TBX15: variants seen among roughly 807,000 people sequenced by gnomAD.
TBX15 encodes the protein T-box transcription factor TBX15.
Under a neutral mutation model 53.9 loss-of-function variants are expected in TBX15, and 18 were observed. That is an observed-to-expected ratio of 0.33 (90% CI 0.23 to 0.49). The LOEUF (loss-of-function observed/expected upper bound fraction) is 0.49. TBX15 is among the 20% of genes least tolerant of loss of function. The pLI is 0.98. For synonymous variants in TBX15, 295 were observed against 278.0 expected (o/e 1.06, Z -0.61); for missense variants, 692 against 749.5 (o/e 0.92, Z 0.90).
At chr1:118,987,391 A>G (rs894037675) in intron 1 of TBX15, among the ~76,000 whole-genome samples, 200 bp downstream of exon 1, 1 of 152,270 alleles carries the variant, frequency 6.6e-6, no homozygotes, top group African/African-American at 2.4e-5. Flanking sequence ...GGCGACGAAA[A>G]TGCAAGGCTC....
intron 7 of TBX15, among the ~76,000 whole-genome samples, chr1:118,890,051 C>A (rs1654084038): frequency 6.6e-6 from 1 of 152,198 alleles, no homozygotes; most frequent in Admixed American, 6.5e-5. Flanking sequence ...TGGAGCTAAG[C>A]ATCTTGGCCT....
chr1:118,927,070 T>C (rs1314978337), intron 2 of TBX15, among the ~76,000 whole-genome samples: 1 of 152,210 alleles, frequency 6.6e-6, no homozygotes, highest in African/African-American at 2.4e-5. Context: ...CAAATTCTAA[T>C]GTCCTCTAAT....
Position 118,957,975 on chromosome 1 carries a change from C to T in TBX15, c.206-26143G>A, listed in dbSNP as rs148683935. Among the ~76,000 whole-genome samples, 46 of 152,086 alleles carry T rather than the reference C, an allele frequency of 3.0e-4. No individual in the cohort carries two copies. In the East Asian group the frequency reaches 5.4e-3, roughly 18 times the overall value. On this transcript the variant is annotated intron_variant, in intron 1 of 7. Transcript: ENST00000369429. ...GACACATGCACACGTATGTTTATTG[C>T]GGCACTATTCTCAATGCAATATTTT...
chr1:118,924,914 C>T, intron 3 of TBX15, 97 bp from the exon 4 acceptor site: 1 of 1,333,294 alleles, frequency 7.5e-7, no homozygotes, highest in East Asian at 2.3e-5. Context: ...GAGAGAAAAA[C>T]AAAGAGATTA....
At chr1:118,942,950 T>C (rs993484967) in intron 1 of TBX15, among the ~76,000 whole-genome samples, 1 of 152,304 alleles carries the variant, frequency 6.6e-6, no homozygotes, top group African/African-American at 2.4e-5. Context: ...GGTGTCTCTG[T>C]TGTCTGCAGT....
At chr1:118,979,481 C>G (rs1657566952) in intron 1 of TBX15, among the ~76,000 whole-genome samples, 1 of 152,130 alleles carries the variant, frequency 6.6e-6, no homozygotes, top group Admixed American at 6.5e-5. Flanking sequence ...TTCTTGGTTT[C>G]TAATTGCTAA....
Position 118,987,933 on chromosome 1 carries a change from GGTCTC to G in TBX15, c.-143_-139del. The G allele has an allele frequency of 9.3e-7, 1 of 1,080,974 alleles. No homozygotes were observed. The highest frequency in any genetic ancestry group is 3.1e-4 in the Middle Eastern group (1 of 3,266). The allele number at this position is 1,080,974 out of a possible 1,614,324, so 67.0% of individuals were successfully genotyped here. ...GACGAGGCTGAGACTGCGGCTCGCG[GGTCTC>G]TCCACCCTCCCCCTGCGTCCTCCTC... On this transcript the variant is annotated 5_prime_UTR_variant, in exon 1 of 8. Coordinates refer to ENST00000369429, the MANE Select transcript of TBX15 (RefSeq NM_001330677.2).
At chr1:118,984,593 G>C (rs1657759130) in intron 1 of TBX15, among the ~76,000 whole-genome samples, 1 of 152,238 alleles carries the variant, frequency 6.6e-6, no homozygotes, top group African/African-American at 2.4e-5. Flanking sequence ...TGCTCTGGGA[G>C]AGGGCGGGGG....
At chr1:118,976,405 T>C (rs1188468936) in intron 1 of TBX15, among the ~76,000 whole-genome samples, 1 of 152,146 alleles carries the variant, frequency 6.6e-6, no homozygotes, top group Non-Finnish European at 1.5e-5. Context: ...ATCCTGGGGG[T>C]ACATTGGAAT....
intron 1 of TBX15, among the ~76,000 whole-genome samples, chr1:118,984,258 C>T (rs1240121635): frequency 6.6e-6 from 1 of 152,226 alleles, no homozygotes; most frequent in East Asian, 1.9e-4. Context: ...AGGTGCCCAC[C>T]CGCGCGCGCC....
rs187680640 is a variant in TBX15 at position 118,892,343 on chromosome 1, A to G, written c.1024+6685T>C. ...GGCAAATAAGGAAGATAATGTACAGAATAGAAAAACAACAGCTGCTGTTTT... is the reference window on the plus strand; with the variant it reads ...GGCAAATAAGGAAGATAATGTACAGGATAGAAAAACAACAGCTGCTGTTTT... On this transcript the variant is annotated intron_variant, in intron 7 of 7. Transcript: ENST00000369429. Among the ~76,000 whole-genome samples the G allele has an allele frequency of 7.9e-5, 12 of 152,356 alleles. No homozygotes were observed. The East Asian group carries it at 2.1e-3, about 27-fold the overall frequency.
chr1:118,896,960 A>C (rs962770306), intron 7 of TBX15, among the ~76,000 whole-genome samples: 13 of 152,140 alleles, frequency 8.5e-5, no homozygotes, highest in Middle Eastern at 3.2e-3. Flanking sequence ...CTTTTTCTCT[A>C]ACCCCATCCC....
rs893766604 is a variant in TBX15, at chr1:118,897,694, G to T, written c.1024+1334C>A. ...CATGACCATCAAAGACGGGGGCCTA[G>T]ATTTTCCTGAGTCTCTTTAAGCCCC... On this transcript the variant is annotated intron_variant, in intron 7 of 7. Transcript: ENST00000369429. 9.9e-5 allele frequency among the ~76,000 whole-genome samples: 15 copies of T among 152,120 alleles called. No individual in the cohort carries two copies. In the East Asian group the frequency reaches 1.9e-3, roughly 20 times the overall value.
rs147577964 is a variant in TBX15, at chr1:118,975,520, G to T, written c.205+12071C>A. Reference sequence around the variant, plus strand: ...TACAGGGCAGGCAATATAATCTAGTGGTTAAGGATATTATTCTGGTGCCAC... The same window carrying T: ...TACAGGGCAGGCAATATAATCTAGTTGTTAAGGATATTATTCTGGTGCCAC... On this transcript the variant is annotated intron_variant, in intron 1 of 7. Coordinates refer to ENST00000369429, the MANE Select transcript of TBX15 (RefSeq NM_001330677.2). Among the ~76,000 whole-genome samples, 8 of 152,308 alleles carry T rather than the reference G, an allele frequency of 5.3e-5. No homozygotes were observed. The East Asian group carries it at 1.2e-3, about 22-fold the overall frequency.
intron 6 of TBX15, among the ~76,000 whole-genome samples, chr1:118,904,668 G>T (rs1278569784): frequency 6.6e-6 from 1 of 152,174 alleles, no homozygotes. Context: ...AGTAATGGCA[G>T]TCCATAAAGA....
intron 1 of TBX15, 60 bp from the exon 2 acceptor site, chr1:118,931,892 C>T (rs1655799616): frequency 6.7e-7 from 1 of 1,501,824 alleles, no homozygotes; most frequent in Non-Finnish European, 9.0e-7. Context: ...CACCCATGGC[C>T]CTAAAAGATG....
intron 1 of TBX15, among the ~76,000 whole-genome samples, chr1:118,932,790 G>A (rs997036836): frequency 6.6e-6 from 1 of 152,094 alleles, no homozygotes; most frequent in Non-Finnish European, 1.5e-5. Flanking sequence ...TTTACCTTTA[G>A]GAGCTTAATG....
chr1:118,914,298 T>G, intron 5 of TBX15, 119 bp from the exon 6 acceptor site: 1 of 982,848 alleles, frequency 1.0e-6, no homozygotes, highest in Non-Finnish European at 1.6e-6. Flanking sequence ...TTTAATTTCC[T>G]TTCAGCTCAA....
Position 118,988,114 on chromosome 1 carries a change from T to A in TBX15, c.-319A>T, listed in dbSNP as rs1657905712. 4.9e-6 allele frequency: 2 copies of A among 407,252 alleles called. No individual in the cohort carries two copies. The highest frequency in any genetic ancestry group is 8.7e-6 in the Non-Finnish European group (2 of 229,018). The allele number at this position is 407,252 out of a possible 1,614,324, so 25.2% of individuals were successfully genotyped here. On this transcript the variant is annotated 5_prime_UTR_variant, in exon 1 of 8. The change creates a premature stop within an existing upstream ORF in the 5' untranslated region. Coordinates refer to ENST00000369429, the MANE Select transcript of TBX15 (RefSeq NM_001330677.2). Reference sequence around the variant, plus strand: ...GCTCACAGACTGTGTCCACTGAACTTCATCTTGTTTTTGTTATTATTATTA... The same window carrying A: ...GCTCACAGACTGTGTCCACTGAACTACATCTTGTTTTTGTTATTATTATTA...
Sources: gnomAD v4.1 joint callset for allele counts (sites outside exome capture counted in the v4.1 genomes callset) on GRCh38, gnomAD v4.1.1 for gene constraint, MANE v1.5 for transcripts, NCBI Gene and HGNC (gene_info 2026-07-23, HGNC 2026-07-21) for gene names.